The following FAT1 variants were observed in gnomAD, a reference collection of about 807,000 sequenced individuals.
FAT1 encodes FAT atypical cadherin 1.
Under a neutral mutation model 329.8 loss-of-function variants are expected in FAT1, and 171 were observed. That is an observed-to-expected ratio of 0.52 (90% CI 0.46 to 0.59). FAT1 has a LOEUF of 0.59. Among genes scored for constraint, FAT1 ranks in the 20% least tolerant of loss-of-function variants. FAT1 has a pLI of 0.00. For synonymous variants in FAT1, 2,233 were observed against 2,228.6 expected (o/e 1.00, Z -0.06); for missense variants, 5,672 against 5,774.4 (o/e 0.98, Z 0.57).
chr4:186,690,668 C>A (rs1164302367), intron 2 of FAT1, among the ~76,000 whole-genome samples: 5 of 151,804 alleles, frequency 3.3e-5, no homozygotes, highest in Non-Finnish European at 1.5e-5. Flanking sequence ...CCAGCCTGGG[C>A]GACAGAGTGA....
chr4:186,711,690 G>T (rs7658786), intron 1 of FAT1, among the ~76,000 whole-genome samples: 7 of 152,268 alleles, frequency 4.6e-5, no homozygotes, highest in African/African-American at 1.7e-4. Context: ...GGCCAATGCA[G>T]CCGGATCCCT....
intron 2 of FAT1, among the ~76,000 whole-genome samples, chr4:186,667,449 A>G: frequency 6.6e-6 from 1 of 152,224 alleles, no homozygotes; most frequent in Non-Finnish European, 1.5e-5. Context: ...GAGATGCTGG[A>G]TGTTCCTATT....
At position 186,723,827 on chromosome 4, in the gene FAT1, C is replaced by G. The variant is rs1313950389; in HGVS notation, c.-182G>C. 4 of 150,398 alleles carry G rather than the reference C, an allele frequency of 2.7e-5. No individual in the cohort carries two copies. The highest frequency in any genetic ancestry group is 5.9e-5 in the Non-Finnish European group (4 of 67,592). 9.3% of individuals were successfully genotyped at this position (150,398 alleles called of 1,614,324 possible). On this transcript the variant is annotated 5_prime_UTR_variant, in exon 1 of 27. Transcript: ENST00000441802. The stretch of plus-strand genomic sequence containing the variant: ...CCCGCGCCCTCTCCCCGCGCCCGGC[C>G]GCCCAGCTCGGCGCCGGCGCCTCAC...
chr4:186,610,014 C>T lies in FAT1; in HGVS notation c.9855G>A (p.Gly3285=), dbSNP rs2126460925. 6.3e-7 allele frequency: 1 copy of T among 1,598,624 alleles called. No homozygotes were observed. The highest frequency in any genetic ancestry group is 8.6e-7 in the Non-Finnish European group (1 of 1,166,994). ...HGKFSIDSKT[G]AVFIIENLDY... ...CCAGATTCTCAATGATAAATACGGC[C>T]CCTGAATAGAAATCAAAATTACTTC... The change falls in exon 15 of 27, where the codon GGG becomes GGA. Residue 3285 remains glycine (G), a splice_region_variant and synonymous_variant. Transcript: ENST00000441802.
At chr4:186,598,248 C>T (rs1185354623) in intron 22 of FAT1, 123 bp from the exon 23 acceptor site, 1 of 1,007,284 alleles carries the variant, frequency 9.9e-7, no homozygotes, top group African/African-American at 1.6e-5. Context: ...TTCTCACTCT[C>T]TCTGGGAAAA....
chr4:186,694,111 C>T (rs933227035), intron 2 of FAT1, among the ~76,000 whole-genome samples: 20 of 151,888 alleles, frequency 1.3e-4, no homozygotes, highest in African/African-American at 4.6e-4. Context: ...TCTCACAACA[C>T]TCAACCTCTC....
chr4:186,604,935 G>A (rs1359637547), intron 17 of FAT1, among the ~76,000 whole-genome samples: 1 of 151,686 alleles, frequency 6.6e-6, no homozygotes, highest in East Asian at 2.0e-4. Flanking sequence ...AGGAAGAGAC[G>A]AGGCCAGGCG....
rs753757419 is a variant in FAT1, at chr4:186,620,022, A to G, written c.6564T>C (p.Ser2188=). 1 of 1,614,032 alleles carries G rather than the reference A, an allele frequency of 6.2e-7. No homozygotes were observed. Among genetic ancestry groups the G allele is most frequent in the Non-Finnish European group, 8.5e-7 (1 of 1,179,900 alleles). The change falls in exon 10 of 27, where the codon AGT becomes AGC. Residue 2188 remains serine (S), a synonymous_variant. Coordinates refer to ENST00000441802, the MANE Select transcript of FAT1 (RefSeq NM_005245.4). ...CCTGGATGCTCTCTGCAATCTCTGC[A>G]CTGTAGAAAGGTTTTTCAAACACAG... ...AMPVFEKPFY[S]AEIAESIQVH...
At position 186,663,308 on chromosome 4, in the gene FAT1, G is replaced by C. The variant is rs1183368458; in HGVS notation, c.3571C>G (p.Pro1191Ala). ...CAGTATTAACACATACCTGTTTTAG[G>C]ATGTATTGAAAAGAATCCTTGTGGA... The part of the protein sequence containing the change: ...GNPQGFFSIH[P>A]KTGLITTTSR... Residue 1191 changes from proline (P) to alanine (A), a missense_variant, in exon 3 of 27, where the codon CCT becomes GCT. By Grantham distance (27) the Pro-to-Ala change is conservative. Around this residue, in one of 2 missense-constraint regions of FAT1, gnomAD observed 3,966 missense variants for 3,915.2 expected, o/e 1.01. Transcript: ENST00000441802. 1.2e-6 allele frequency: 2 copies of C among 1,611,262 alleles called. No homozygotes were observed. The highest frequency in any genetic ancestry group is 2.2e-5 in the East Asian group (1 of 44,866).
chr4:186,659,122 T>TACA (rs139596045), intron 3 of FAT1, among the ~76,000 whole-genome samples: 2,130 of 152,288 alleles, frequency 0.014, 89 homozygotes, highest in East Asian at 0.14. Flanking sequence ...ACAAATGTGT[T>TACA]ACAACTGCCT....
At chr4:186,715,056 T>C (rs142178566) in intron 1 of FAT1, among the ~76,000 whole-genome samples, 8,466 of 151,538 alleles carry the variant, frequency 0.056, 770 homozygotes, top group African/African-American at 0.2. Context: ...CCAGCCTAGG[T>C]GACAGAGCAA....
chr4:186,661,236 T>C (rs545151036), intron 3 of FAT1, among the ~76,000 whole-genome samples: 1 of 152,248 alleles, frequency 6.6e-6, no homozygotes, highest in African/African-American at 2.4e-5. Context: ...GGAAACAGAA[T>C]CTCTCTCCGG....
chr4:186,687,401 A>C (rs569322612), intron 2 of FAT1, among the ~76,000 whole-genome samples: 66 of 151,502 alleles, frequency 4.4e-4, no homozygotes, highest in Admixed American at 6.6e-4. Flanking sequence ...AACAAACAAA[A>C]AAAAAGAACA....
Position 186,588,810 on chromosome 4 carries a change from CAT to C in FAT1, c.13547_13548del (p.His4516ArgfsTer32). ...CTTTGATACCCTGGCGGGTAAGGGGCATGGGGTTCTCTACAAGTACTATTCTC... is the reference window on the plus strand; with the variant it reads ...CTTTGATACCCTGGCGGGTAAGGGGCGGGGTTCTCTACAAGTACTATTCTC... ...TGENSTCREPHAPYPPGYQRH... is the reference protein window; with the variant it reads ...TGENSTCREPXAPYPPGYQRH... On this transcript the variant is annotated frameshift_variant, in exon 27 of 27. Coordinates refer to ENST00000441802, the MANE Select transcript of FAT1 (RefSeq NM_005245.4). LOFTEE classifies it high-confidence loss of function. 6.2e-7 allele frequency: 1 copy of C among 1,614,010 alleles called. No individual in the cohort carries two copies. The highest frequency in any genetic ancestry group is 8.5e-7 in the Non-Finnish European group (1 of 1,179,906).
intron 3 of FAT1, among the ~76,000 whole-genome samples, chr4:186,645,398 TATATATATATATATATATA>T (rs1741313735): frequency 9.5e-6 from 1 of 105,146 alleles, no homozygotes; most frequent in African/African-American, 3.4e-5. Flanking sequence ...TATATATATA[TATATATATATATATATATA>T]TATATGCCTG....
At position 186,589,233 on chromosome 4, in the gene FAT1, G is replaced by C. The variant is rs2126358397; in HGVS notation, c.13139-13C>G. The C allele has an allele frequency of 6.3e-7, 1 of 1,586,190 alleles. No homozygotes were observed. Among genetic ancestry groups the C allele is most frequent in the Non-Finnish European group, 8.6e-7 (1 of 1,167,340 alleles). ...TCCCAGTGATACCCTTGGTGGAAAAGAAAACAGATGTCAGTGTGTTTTCTC... is the reference window on the plus strand; with the variant it reads ...TCCCAGTGATACCCTTGGTGGAAAACAAAACAGATGTCAGTGTGTTTTCTC... On this transcript the variant is annotated splice_polypyrimidine_tract_variant and intron_variant, in intron 26 of 26. Transcript: ENST00000441802.
In FAT1 at chr4:186,617,112, C is replaced by A; in HGVS notation, c.8968G>T (p.Asp2990Tyr). Residue 2990 changes from aspartate to tyrosine, a missense_variant, in exon 11 of 27, where the codon GAC becomes TAC. This residue lies in a region of FAT1 where 3,966 missense variants were observed against 3,915.2 expected (regional missense o/e 1.01). Transcript: ENST00000441802. ...GCCGTGATAGTAAGAAGGTAATTGT[C>A]CCTTTTTTCCCTGTCTAGAGGTTTC... ...VKKPLDREKRDNYLLTITATD... is the reference protein window; with the variant it reads ...VKKPLDREKRYNYLLTITATD... The A allele has an allele frequency of 2.5e-6, 4 of 1,613,854 alleles. No homozygotes were observed. In the South Asian group the frequency reaches 4.4e-5, roughly 18 times the overall value.
At chr4:186,628,090 G>A in intron 9 of FAT1, 64 bp downstream of exon 9, 1 of 1,534,066 alleles carries the variant, frequency 6.5e-7, no homozygotes, top group South Asian at 1.2e-5. Flanking sequence ...ACTGATTTTG[G>A]AAAAGTAGAA....
At chr4:186,613,382 C>G (rs751219743) in intron 12 of FAT1, 40 bp from the exon 13 acceptor site, 1 of 1,476,716 alleles carries the variant, frequency 6.8e-7, no homozygotes, top group African/African-American at 1.4e-5. Context: ...TAATTTAAGA[C>G]GTGACTTGCA....
Sources: allele counts gnomAD v4.1 joint callset (sites outside exome capture counted in the v4.1 genomes callset), GRCh38; gene constraint gnomAD v4.1.1; regional missense constraint gnomAD v4.1.1; transcripts MANE v1.5; gene names NCBI Gene and HGNC (gene_info 2026-07-23, HGNC 2026-07-21).